ZFAT: variants seen among roughly 807,000 people sequenced by gnomAD.
The protein encoded by ZFAT is zinc finger protein ZFAT.
Under a neutral mutation model 117.7 loss-of-function variants are expected in ZFAT, and 64 were observed. The ratio of observed to expected loss-of-function variants is 0.54; its 90% CI spans 0.44 to 0.67. The LOEUF (loss-of-function observed/expected upper bound fraction) is 0.67. Ranked by LOEUF, ZFAT falls within the 30% of genes least tolerant of loss-of-function variation. The pLI, the probability that ZFAT is intolerant of heterozygous loss-of-function variation, is 0.00. For synonymous variants in ZFAT, 679 were observed against 615.0 expected (o/e 1.10, Z -1.54); for missense variants, 1,433 against 1,584.5 (o/e 0.90, Z 1.62).
chr8:134,624,034 C>T (rs1020905880), intron 3 of ZFAT, among the ~76,000 whole-genome samples: 4 of 152,136 alleles, frequency 2.6e-5, no homozygotes, highest in African/African-American at 9.7e-5. Flanking sequence ...TCCATTCATG[C>T]GACATCCTGT....
chr8:134,786,803 A>G, the ZFAT span, among the ~76,000 whole-genome samples: 7 of 151,440 alleles, frequency 4.6e-5, no homozygotes, highest in African/African-American at 1.7e-4. Flanking sequence ...TTTTAATTTT[A>G]TCCGTTTTCA....
intron 1 of ZFAT, among the ~76,000 whole-genome samples, chr8:134,678,117 G>T (rs1043513158): frequency 6.6e-6 from 1 of 152,156 alleles, no homozygotes; most frequent in African/African-American, 2.4e-5. Flanking sequence ...GCAAGAGAAA[G>T]AAATAAAGGG....
chr8:134,802,281 TA>T, the ZFAT span, among the ~76,000 whole-genome samples: 5 of 151,924 alleles, frequency 3.3e-5, no homozygotes, highest in South Asian at 1.0e-3. Flanking sequence ...ATATTCAAAC[TA>T]AAAAAAAGAA....
chr8:134,716,491 A>G (rs375511386), upstream of ZFAT, among the ~76,000 whole-genome samples: 3 of 152,180 alleles, frequency 2.0e-5, no homozygotes, highest in South Asian at 6.2e-4. Context: ...TCAGTACCCA[A>G]GTATTAATCT....
At chr8:134,769,099 G>A in the ZFAT span, among the ~76,000 whole-genome samples, 1 of 152,124 alleles carries the variant, frequency 6.6e-6, no homozygotes, top group Admixed American at 6.5e-5. Context: ...CTTGAACCCA[G>A]GAGGTGGAGG....
the ZFAT span, among the ~76,000 whole-genome samples, chr8:134,744,854 C>T: frequency 2.7e-5 from 4 of 149,990 alleles, no homozygotes; most frequent in Non-Finnish European, 5.9e-5. Context: ...CTCAGCCTCC[C>T]AAGTAGCTGG....
chr8:134,720,422 T>C, the ZFAT span, among the ~76,000 whole-genome samples: 3 of 152,342 alleles, frequency 2.0e-5, no homozygotes, highest in East Asian at 5.8e-4. Flanking sequence ...AGTCTTAAGC[T>C]TACTTCCCCA....
intron 5 of ZFAT, among the ~76,000 whole-genome samples, chr8:134,606,290 C>G (rs1827881912): frequency 6.6e-6 from 1 of 152,204 alleles, no homozygotes; most frequent in Non-Finnish European, 1.5e-5. Context: ...TTTAAAAGAT[C>G]TTGTTGGCTC....
At chr8:134,505,855 T>C (rs1289933613) in intron 15 of ZFAT, among the ~76,000 whole-genome samples, 2 of 152,232 alleles carry the variant, frequency 1.3e-5, no homozygotes, top group Admixed American at 6.5e-5. Context: ...TTTTAAACCA[T>C]AAATTTGTGG....
intron 7 of ZFAT, chr8:134,598,595 GA>G (rs1253039604): frequency 6.6e-6 from 1 of 152,312 alleles, no homozygotes; most frequent in Non-Finnish European, 1.5e-5. Context: ...TCACTGGGCT[GA>G]ACCATGGGTC....
In ZFAT at chr8:134,601,733, C is replaced by G; in HGVS notation, c.1986G>C (p.Val662=). 1 of 1,613,012 alleles carries G rather than the reference C, an allele frequency of 6.2e-7. No individual in the cohort carries two copies. Among genetic ancestry groups the G allele is most frequent in the East Asian group, 2.2e-5 (1 of 44,842 alleles). ...SPLGEGQNMA[V]LSAGDPDPSR... is the part of the protein sequence containing the mutation. The stretch of plus-strand genomic sequence containing the variant: ...TGGGATCTGGGTCACCAGCTGAAAG[C>G]ACAGCCATGTTCTGCCCTTCCCCTA... The change falls in exon 6 of 16, where the codon GTG becomes GTC. Residue 662 remains valine (V), a synonymous_variant. Coordinates refer to ENST00000377838, the MANE Select transcript of ZFAT (RefSeq NM_020863.4).
the ZFAT span, among the ~76,000 whole-genome samples, chr8:134,757,009 C>CTTTTT: frequency 2.7e-4 from 22 of 81,220 alleles, no homozygotes; most frequent in South Asian, 4.9e-4. Context: ...ACCTTCTTTC[C>CTTTTT]TTTTTTTTTT....
chr8:134,615,596 T>C (rs1290114242), intron 3 of ZFAT, among the ~76,000 whole-genome samples: 1 of 152,196 alleles, frequency 6.6e-6, no homozygotes, highest in Non-Finnish European at 1.5e-5. Context: ...TCCCCACTCC[T>C]GCTTCCTGGG....
chr8:134,694,190 G>A (rs1833719453), intron 1 of ZFAT, among the ~76,000 whole-genome samples: 1 of 152,212 alleles, frequency 6.6e-6, no homozygotes, highest in Non-Finnish European at 1.5e-5. Flanking sequence ...ACGCTGGAAT[G>A]AGGCACGTGG....
intron 11 of ZFAT, 43 bp downstream of exon 11, chr8:134,565,290 T>A (rs6988653): frequency 0.17 from 279,243 of 1,609,160 alleles, 25,361 homozygotes; most frequent in Admixed American, 0.26. Context: ...AAGCAACGCC[T>A]TTTTTGTCTG....
the ZFAT span, among the ~76,000 whole-genome samples, chr8:134,777,433 T>C: frequency 6.6e-6 from 1 of 152,194 alleles, no homozygotes; most frequent in Non-Finnish European, 1.5e-5. Context: ...GGGGAAAGAA[T>C]AGATAACTAA....
intron 15 of ZFAT, among the ~76,000 whole-genome samples, chr8:134,499,590 G>T (rs1818803864): frequency 6.6e-6 from 1 of 151,018 alleles, no homozygotes; most frequent in Non-Finnish European, 1.5e-5. Context: ...CCCGCTGCTG[G>T]TTACACACAG....
chr8:134,538,053 G>C (rs749389479), intron 11 of ZFAT, among the ~76,000 whole-genome samples: 1 of 152,208 alleles, frequency 6.6e-6, no homozygotes, highest in Non-Finnish European at 1.5e-5. Flanking sequence ...TGCAAACACA[G>C]ATCAGGGCAC....
At chr8:134,721,574 A>C in the ZFAT span, among the ~76,000 whole-genome samples, 2 of 152,286 alleles carry the variant, frequency 1.3e-5, no homozygotes, top group African/African-American at 4.8e-5. Flanking sequence ...CAGAGATGCC[A>C]AGCCTTCTTA....
Sources: gnomAD v4.1 joint callset for allele counts (sites outside exome capture counted in the v4.1 genomes callset) on GRCh38, gnomAD v4.1.1 for gene constraint, MANE v1.5 for transcripts, NCBI Gene and HGNC (gene_info 2026-07-23, HGNC 2026-07-21) for gene names.